The following SMARCC1 variants were observed in gnomAD, a reference collection of about 807,000 sequenced individuals.
SMARCC1 encodes SWI/SNF related BAF chromatin remodeling complex subunit C1.
Under a neutral mutation model 147.4 loss-of-function variants are expected in SMARCC1, and 43 were observed. The observed-to-expected ratio is 0.29, with a 90% CI of 0.23 to 0.38. The LOEUF is 0.38. SMARCC1 is among the 10% of genes least tolerant of loss of function. The pLI, the probability that SMARCC1 is intolerant of heterozygous loss-of-function variation, is 1.00. For missense variants in SMARCC1, 1,119 were observed against 1,381.1 expected (o/e 0.81, Z 3.01); for synonymous variants, 495 against 484.4 (o/e 1.02, Z -0.29).
At chr3:47,769,537 CTT>C (rs2034883258) in intron 2 of SMARCC1, among the ~76,000 whole-genome samples, 1 of 151,954 alleles carries the variant, frequency 6.6e-6, no homozygotes, top group African/African-American at 2.4e-5. Flanking sequence ...AACCATAACA[CTT>C]TTATGTGTTG....
chr3:47,674,737 T>C (rs932738661), intron 18 of SMARCC1, among the ~76,000 whole-genome samples: 4 of 152,186 alleles, frequency 2.6e-5, no homozygotes, highest in Non-Finnish European at 5.9e-5. Flanking sequence ...AGTGTTGAGC[T>C]TGGCCTGGCT....
At chr3:47,701,127 A>G in intron 11 of SMARCC1, 151 bp downstream of exon 11, 1 of 565,674 alleles carries the variant, frequency 1.8e-6, no homozygotes, top group Admixed American at 3.8e-5. Flanking sequence ...AAATGATTAA[A>G]GAAAATTAAA....
At chr3:47,663,220 A>AAGGG (rs2033374863) in intron 19 of SMARCC1, among the ~76,000 whole-genome samples, 1 of 59,058 alleles carries the variant, frequency 1.7e-5, no homozygotes, top group Non-Finnish European at 3.6e-5. Flanking sequence ...GGGAGGAAGG[A>AAGGG]AGGAAGGAAG....
At chr3:47,644,910 A>C (rs1263093341) in intron 21 of SMARCC1, among the ~76,000 whole-genome samples, 1 of 152,172 alleles carries the variant, frequency 6.6e-6, no homozygotes, top group Non-Finnish European at 1.5e-5. Context: ...TATCTTTATT[A>C]ACTGTATCAT....
chr3:47,659,081 G>T (rs2033301857), intron 21 of SMARCC1, among the ~76,000 whole-genome samples: 1 of 141,328 alleles, frequency 7.1e-6, no homozygotes, highest in Non-Finnish European at 1.5e-5. Flanking sequence ...CCACACCATT[G>T]CACTCCAGCC....
intron 7 of SMARCC1, 106 bp downstream of exon 7, chr3:47,720,560 A>C: frequency 1.2e-6 from 1 of 812,106 alleles, no homozygotes. Flanking sequence ...AAAATGACTA[A>C]ACACAAAGCA....
chr3:47,705,314 A>G (rs1176020963), intron 10 of SMARCC1, among the ~76,000 whole-genome samples: 1 of 111,036 alleles, frequency 9.0e-6, no homozygotes, highest in Non-Finnish European at 1.9e-5. Context: ...ACAGAGCGAG[A>G]CTCCGTCTCA....
chr3:47,600,253 C>CA (rs1432309410), intron 26 of SMARCC1, among the ~76,000 whole-genome samples: 1 of 152,154 alleles, frequency 6.6e-6, no homozygotes, highest in Non-Finnish European at 1.5e-5. Flanking sequence ...TGGCACCCTG[C>CA]AAAAACAAAC....
chr3:47,766,258 A>T (rs2034838533), intron 2 of SMARCC1, among the ~76,000 whole-genome samples: 1 of 152,070 alleles, frequency 6.6e-6, no homozygotes, highest in South Asian at 2.1e-4. Flanking sequence ...ATCCATTTTA[A>T]AATGCAGAAT....
chr3:47,768,566 G>C (rs2034868901), intron 2 of SMARCC1, among the ~76,000 whole-genome samples: 1 of 152,002 alleles, frequency 6.6e-6, no homozygotes, highest in Admixed American at 6.6e-5. Context: ...AATGTAATCT[G>C]TAATTTTACT....
intron 24 of SMARCC1, 51 bp downstream of exon 24, chr3:47,635,139 C>T (rs375806513): frequency 9.0e-5 from 137 of 1,518,886 alleles, no homozygotes; most frequent in Non-Finnish European, 1.2e-4. Flanking sequence ...AAAAACAATA[C>T]GACCATTCAT....
chr3:47,606,455 A>G (rs1289481284), intron 26 of SMARCC1, among the ~76,000 whole-genome samples: 12 of 152,192 alleles, frequency 7.9e-5, no homozygotes. Flanking sequence ...AAGTGAAACA[A>G]TGTGGGTGAG....
intron 1 of SMARCC1, among the ~76,000 whole-genome samples, chr3:47,779,363 G>A (rs1384829922): frequency 8.5e-5 from 13 of 152,226 alleles, no homozygotes; most frequent in Admixed American, 4.6e-4. Flanking sequence ...AAACCAATGC[G>A]TACACCAAAT....
intron 25 of SMARCC1, among the ~76,000 whole-genome samples, chr3:47,611,267 A>T (rs886321202): frequency 1.3e-5 from 2 of 152,326 alleles, no homozygotes; most frequent in African/African-American, 2.4e-5. Context: ...TGATAGAAAA[A>T]TCTAAGTCAC....
At chr3:47,656,741 C>T (rs980730741) in intron 21 of SMARCC1, among the ~76,000 whole-genome samples, 3 of 152,056 alleles carry the variant, frequency 2.0e-5, no homozygotes, top group Admixed American at 6.6e-5. Flanking sequence ...TGGTGAAACC[C>T]CGTCTCTACT....
At chr3:47,677,850 T>G (rs1020862594) in intron 16 of SMARCC1, among the ~76,000 whole-genome samples, 9 of 152,102 alleles carry the variant, frequency 5.9e-5, no homozygotes, top group African/African-American at 2.2e-4. Flanking sequence ...AATTAAATAT[T>G]TAAAATTTTC....
chr3:47,685,701 A>G (rs1391354876), intron 14 of SMARCC1, among the ~76,000 whole-genome samples: 1 of 152,092 alleles, frequency 6.6e-6, no homozygotes, highest in Non-Finnish European at 1.5e-5. Context: ...TACTAAAAAT[A>G]CAAAAATTAG....
intron 5 of SMARCC1, 115 bp downstream of exon 5, chr3:47,735,919 A>T: frequency 4.4e-6 from 2 of 459,700 alleles, no homozygotes; most frequent in Non-Finnish European, 3.8e-6. Flanking sequence ...ATTTCTTTTG[A>T]TGCAAATATA....
chr3:47,600,998 T>TGAGAGAGAGAGAGAGAGAGAGAGAGAGA (rs66582985), intron 26 of SMARCC1, among the ~76,000 whole-genome samples: 3 of 85,200 alleles, frequency 3.5e-5, no homozygotes, highest in African/African-American at 1.0e-4. Flanking sequence ...AGGAAGAAAA[T>TGAGAGAGAGAGAGAGAGAGAGAGAGAGA]GAGAGAGAGA....
Sources: allele counts gnomAD v4.1 joint callset (sites outside exome capture counted in the v4.1 genomes callset), GRCh38; gene constraint gnomAD v4.1.1; transcripts MANE v1.5; gene names NCBI Gene and HGNC (gene_info 2026-07-23, HGNC 2026-07-21).